Variants in RGMA observed in about 807,000 individuals in gnomAD.
RGMA encodes repulsive guidance molecule BMP co-receptor a.
In RGMA, 10 loss-of-function variants were observed where a neutral mutation model predicts 23.2. The ratio of observed to expected loss-of-function variants is 0.43; its 90% CI spans 0.27 to 0.73. The LOEUF (loss-of-function observed/expected upper bound fraction) is 0.73, where lower values mean the gene tolerates loss of function less well. Among genes scored for constraint, RGMA ranks in the 30% least tolerant of loss-of-function variants. The pLI is 0.20. For missense variants in RGMA, 547 were observed against 630.5 expected (o/e 0.87, Z 1.42); for synonymous variants, 308 against 279.3 (o/e 1.10, Z -1.03).
At position 93,039,004 on chromosome 15, in the gene RGMA, C is replaced by T. The variant is rs534098836; in HGVS notation, c.*5994G>A. The stretch of plus-strand genomic sequence containing the variant: ...CAGTGAACTGGGAGACAGAGACCCA[C>T]GCTTAACCTGGGTGGGCACCATCTA... On this transcript the variant is annotated 3_prime_UTR_variant, in exon 4 of 4. Transcript: ENST00000329082. The T allele has an allele frequency of 1.3e-5, 2 of 152,310 alleles. No individual in the cohort carries two copies. Among genetic ancestry groups the T allele is most frequent in the African/African-American group, 4.8e-5 (2 of 41,534 alleles). The allele number at this position is 152,310 out of a possible 1,614,324, so 9.4% of individuals were successfully genotyped here.
chr15:93,047,674 G>A (rs2054846840), intron 3 of RGMA, among the ~76,000 whole-genome samples: 1 of 152,176 alleles, frequency 6.6e-6, no homozygotes. Flanking sequence ...TCTGCAGGCT[G>A]AAGGGGTCTG....
At chr15:93,053,513 G>T (rs1415775455) in intron 2 of RGMA, among the ~76,000 whole-genome samples, 2 of 152,210 alleles carry the variant, frequency 1.3e-5, no homozygotes, top group African/African-American at 4.8e-5. Context: ...TCTTGTCTGG[G>T]CCACTAACTT....
chr15:93,060,720 G>A (rs753687689), intron 2 of RGMA, among the ~76,000 whole-genome samples: 5 of 152,206 alleles, frequency 3.3e-5, no homozygotes, highest in Non-Finnish European at 5.9e-5. Flanking sequence ...GGCACACCAC[G>A]GAATTTTAGA....
chr15:93,048,579 C>T (rs900614454), intron 3 of RGMA, among the ~76,000 whole-genome samples: 3 of 152,268 alleles, frequency 2.0e-5, no homozygotes, highest in Admixed American at 6.5e-5. Flanking sequence ...CAGGACACGG[C>T]ACACTTCCCA....
chr15:93,077,385 G>T (rs1895489631), intron 1 of RGMA, among the ~76,000 whole-genome samples: 1 of 152,232 alleles, frequency 6.6e-6, no homozygotes, highest in South Asian at 2.1e-4. Flanking sequence ...GGCGATTCAT[G>T]TCTAGGGGAA....
In RGMA at chr15:93,045,193, G is replaced by A. The variant is rs201262127; in HGVS notation, c.1158C>T (p.Gly386=). ...AGGCGGCCAGTGTGAAGTTCACGTC[G>A]CCCGTGGTGAGGAGGTCGAAGACGC... ...QACVFDLLTT[G]DVNFTLAAYY... is the part of the protein sequence containing the mutation. The change falls in exon 4 of 4, where the codon GGC becomes GGT. Residue 386 remains glycine, a synonymous_variant. Coordinates refer to ENST00000329082, the MANE Select transcript of RGMA (RefSeq NM_020211.3). The surrounding 1 kb of genome is among the most constrained non-coding windows in gnomAD (Gnocchi z 6.9). 45 of 1,609,954 alleles carry A rather than the reference G, an allele frequency of 2.8e-5. No individual in the cohort carries two copies. Among genetic ancestry groups the A allele is most frequent in the South Asian group, 5.5e-5 (5 of 90,352 alleles).
chr15:93,065,904 C>T (rs1044394621), intron 2 of RGMA: 4 of 718,382 alleles, frequency 5.6e-6, no homozygotes, highest in Non-Finnish European at 9.9e-6. Context: ...TAGGCTGTTG[C>T]TGGCTGGGGG....
rs2054738316 is a variant in RGMA at position 93,042,572 on chromosome 15, C to T, written c.*2426G>A. The T allele has an allele frequency of 6.6e-6, 1 of 152,460 alleles. No homozygotes were observed. Among genetic ancestry groups the T allele is most frequent in the Non-Finnish European group, 1.5e-5 (1 of 68,244 alleles). 9.4% of individuals were successfully genotyped at this position (152,460 alleles called of 1,614,324 possible). On this transcript the variant is annotated 3_prime_UTR_variant, in exon 4 of 4. Coordinates refer to ENST00000329082, the MANE Select transcript of RGMA (RefSeq NM_020211.3). ...GATGTAGGCTGGCTTAACTGTGCTGCTATTCTGCCTCATGGCATTTAGTTT... is the reference window on the plus strand; with the variant it reads ...GATGTAGGCTGGCTTAACTGTGCTGTTATTCTGCCTCATGGCATTTAGTTT...
At chr15:93,062,578 C>T (rs567503945) in intron 2 of RGMA, among the ~76,000 whole-genome samples, 7 of 152,306 alleles carry the variant, frequency 4.6e-5, no homozygotes, top group African/African-American at 1.4e-4. Context: ...AAGCAAATGT[C>T]GCTCAGCTTC....
Position 93,081,481 on chromosome 15 carries a change from G to C in RGMA, c.14+7438C>G, listed in dbSNP as rs545506351. Among the ~76,000 whole-genome samples, 7 of 152,330 alleles carry C rather than the reference G, an allele frequency of 4.6e-5. No homozygotes were observed. In the East Asian group the frequency reaches 1.3e-3, roughly 29 times the overall value. On this transcript the variant is annotated intron_variant, in intron 1 of 3. Coordinates refer to ENST00000329082, the MANE Select transcript of RGMA (RefSeq NM_020211.3). ...CCTTAGAAACATTCAGCAACCGCCT[G>C]AAGTTTGAAAGCAGCTTTTGGGTAT...
chr15:93,072,664 C>T (rs1895368013), intron 2 of RGMA, among the ~76,000 whole-genome samples: 1 of 152,216 alleles, frequency 6.6e-6, no homozygotes, highest in Non-Finnish European at 1.5e-5. Context: ...AGTGAGGCAC[C>T]CCGGCCCCTG....
intron 2 of RGMA, among the ~76,000 whole-genome samples, chr15:93,058,113 G>A (rs976382374): frequency 5.3e-5 from 8 of 152,188 alleles, no homozygotes; most frequent in Non-Finnish European, 7.3e-5. Context: ...CCTTGTTAAT[G>A]AGTAAATGAA....
At chr15:93,053,893 T>C (rs558574334) in intron 2 of RGMA, among the ~76,000 whole-genome samples, 4 of 152,342 alleles carry the variant, frequency 2.6e-5, no homozygotes, top group Middle Eastern at 3.4e-3. Flanking sequence ...ACACTTTGTC[T>C]TTTAATTTGA....
rs1312588785 is a variant in RGMA at position 93,039,027 on chromosome 15, C to G, written c.*5971G>C. On this transcript the variant is annotated 3_prime_UTR_variant, in exon 4 of 4. Coordinates refer to ENST00000329082, the MANE Select transcript of RGMA (RefSeq NM_020211.3). Reference sequence around the variant, plus strand: ...CACGCTTAACCTGGGTGGGCACCATCTAATCACCTGCCAGCGAGGCTAGGA... The same window carrying G: ...CACGCTTAACCTGGGTGGGCACCATGTAATCACCTGCCAGCGAGGCTAGGA... The G allele has an allele frequency of 6.6e-6, 1 of 152,200 alleles. No individual in the cohort carries two copies. The highest frequency in any genetic ancestry group is 1.5e-5 in the Non-Finnish European group (1 of 68,042). The allele number at this position is 152,200 out of a possible 1,614,324, so 9.4% of individuals were successfully genotyped here.
chr15:93,081,040 G>A (rs1178430884), intron 1 of RGMA, among the ~76,000 whole-genome samples: 3 of 152,316 alleles, frequency 2.0e-5, no homozygotes, highest in Non-Finnish European at 4.4e-5. Context: ...AATTGTCAGT[G>A]TTGAGATGGA....
rs796826448 is a variant in RGMA, at chr15:93,039,989, G to A, written c.*5009C>T. 2.0e-5 allele frequency: 3 copies of A among 152,118 alleles called. No individual in the cohort carries two copies. Among genetic ancestry groups the A allele is most frequent in the South Asian group, 2.1e-4 (1 of 4,826 alleles). The allele number at this position is 152,118 out of a possible 1,614,324, so 9.4% of individuals were successfully genotyped here. On this transcript the variant is annotated 3_prime_UTR_variant, in exon 4 of 4. Coordinates refer to ENST00000329082, the MANE Select transcript of RGMA (RefSeq NM_020211.3). Reference sequence around the variant, plus strand: ...TTTGGGAGGCTGAAACAGACGTCTCGCTTGAGCCCAGGAGTTCAAGATCAG... The same window carrying A: ...TTTGGGAGGCTGAAACAGACGTCTCACTTGAGCCCAGGAGTTCAAGATCAG...
At chr15:93,055,640 G>C (rs2055001578) in intron 2 of RGMA, among the ~76,000 whole-genome samples, 1 of 152,194 alleles carries the variant, frequency 6.6e-6, no homozygotes, top group African/African-American at 2.4e-5. Context: ...GTGGGCTCCA[G>C]CCTCTCCTGC....
intron 1 of RGMA, among the ~76,000 whole-genome samples, chr15:93,079,954 A>G (rs11637013): frequency 0.58 from 88,037 of 151,938 alleles, 25,722 homozygotes; most frequent in Non-Finnish European, 0.63. Flanking sequence ...TGCCATCTTC[A>G]TTATCTGAGG....
rs2054941279 is a variant in RGMA, at chr15:93,052,420, G to A, written c.218C>T (p.Pro73Leu). 2 of 1,597,118 alleles carry A rather than the reference G, an allele frequency of 1.3e-6. No homozygotes were observed. The highest frequency in any genetic ancestry group is 1.7e-6 in the Non-Finnish European group (2 of 1,177,934). ...GCTGCGCAAGGCTGCACAGAACTCG[G>A]GGGTGTCGTCTGAGGCTGGGGCGTG... The part of the protein sequence containing the change: ...GSHAPASDDT[P>L]EFCAALRSYA... The change falls in exon 3 of 4, where the codon CCC (proline) becomes CTC (leucine). Residue 73 changes from proline to leucine, a missense_variant. Physicochemically the swap from Pro to Leu is moderately conservative, Grantham distance 98. Around this residue, in one of 3 missense-constraint regions of RGMA, gnomAD observed 214 missense variants for 234.7 expected, o/e 0.91. Transcript: ENST00000329082.
Sources: allele counts gnomAD v4.1 joint callset (sites outside exome capture counted in the v4.1 genomes callset), GRCh38; gene constraint gnomAD v4.1.1; regional missense constraint gnomAD v4.1.1; non-coding constraint Gnocchi (gnomAD v3.1); transcripts MANE v1.5; gene names NCBI Gene and HGNC (gene_info 2026-07-23, HGNC 2026-07-21).